Variants in COL5A2 observed in about 807,000 individuals in gnomAD.
The protein encoded by COL5A2 is collagen alpha-2(V) chain.
Under a neutral mutation model 208.2 loss-of-function variants are expected in COL5A2, and 23 were observed. The observed-to-expected ratio is 0.11, with a 90% CI of 0.08 to 0.16. The LOEUF is 0.16. COL5A2 is among the 10% of genes least tolerant of loss of function. The probability of loss-of-function intolerance (pLI) is 1.00; values close to 1 mark genes in which losing one functional copy is unlikely to be tolerated. For missense variants in COL5A2, 1,590 were observed against 1,956.4 expected (o/e 0.81, Z 3.53); for synonymous variants, 625 against 628.5 (o/e 0.99, Z 0.08).
At chr2:189,092,603 T>C (rs779134233) in intron 6 of COL5A2, among the ~76,000 whole-genome samples, 183 bp from the exon 7 acceptor site, 6 of 152,228 alleles carry the variant, frequency 3.9e-5, no homozygotes, top group Non-Finnish European at 8.8e-5. Flanking sequence ...TCTGAACTTC[T>C]ACCATTCGGA....
At chr2:189,110,895 G>T (rs934797043) in intron 1 of COL5A2, among the ~76,000 whole-genome samples, 1 of 151,938 alleles carries the variant, frequency 6.6e-6, no homozygotes, top group African/African-American at 2.4e-5. Context: ...TTCCACAACA[G>T]GAGACAGTAT....
chr2:189,390,894 AT>A, the COL5A2 span, among the ~76,000 whole-genome samples: 2 of 152,186 alleles, frequency 1.3e-5, no homozygotes, highest in African/African-American at 4.8e-5. Flanking sequence ...TATTTCTGGA[AT>A]TTGCTAAACT....
chr2:189,127,926 C>T (rs112431865), intron 1 of COL5A2, among the ~76,000 whole-genome samples: 4 of 152,088 alleles, frequency 2.6e-5, no homozygotes, highest in Non-Finnish European at 4.4e-5. Context: ...TTCCACAAAA[C>T]GCCCTGAGGT....
At chr2:189,050,801 A>G (rs1407974789) in intron 42 of COL5A2, 125 bp from the exon 43 acceptor site, 2 of 763,224 alleles carry the variant, frequency 2.6e-6, no homozygotes, top group Non-Finnish European at 4.4e-6. Flanking sequence ...CTGTTTCTCA[A>G]AATCATACTG....
chr2:189,315,153 A>C, the COL5A2 span, among the ~76,000 whole-genome samples: 1 of 152,186 alleles, frequency 6.6e-6, no homozygotes, highest in Non-Finnish European at 1.5e-5. Context: ...AACTTGATGA[A>C]CACTGATGCA....
At chr2:189,408,029 C>T in the COL5A2 span, among the ~76,000 whole-genome samples, 1 of 152,026 alleles carries the variant, frequency 6.6e-6, no homozygotes, top group Non-Finnish European at 1.5e-5. Flanking sequence ...CTGTTCAAAC[C>T]AAGATTGAGT....
Position 189,083,674 on chromosome 2 carries a change from G to GA in COL5A2, c.852+309dup, listed in dbSNP as rs376308674. ...AGGTCAAGCTGGTAACTCATTTTAT[G>GA]AAAAAAAAAAAACTATTTTTTTCTG... On this transcript the variant is annotated intron_variant, in intron 12 of 53. Transcript: ENST00000374866. 4.5e-3 allele frequency among the ~76,000 whole-genome samples: 652 copies of GA among 144,842 alleles called. 5 individuals are homozygous for GA. The highest frequency in any genetic ancestry group is 0.011 in the African/African-American group (425 of 39,654).
chr2:189,084,663 T>C lies in COL5A2; in HGVS notation c.798+497A>G, dbSNP rs116445480. Among the ~76,000 whole-genome samples, 1,094 of 152,332 alleles carry C rather than the reference T, an allele frequency of 7.2e-3. 11 individuals are homozygous for C. Among genetic ancestry groups the C allele is most frequent in the African/African-American group, 0.025 (1,020 of 41,582 alleles). On this transcript the variant is annotated intron_variant, in intron 11 of 53. Transcript: ENST00000374866. ...TATTGCACACTGTTCTCTGATTACATGTTCTTAATGTTAAAATCTGGAGTT... is the reference window on the plus strand; with the variant it reads ...TATTGCACACTGTTCTCTGATTACACGTTCTTAATGTTAAAATCTGGAGTT...
chr2:189,302,536 C>T, the COL5A2 span, among the ~76,000 whole-genome samples: 1 of 152,084 alleles, frequency 6.6e-6, no homozygotes, highest in Non-Finnish European at 1.5e-5. Context: ...ATCTAAAGTG[C>T]ACTTCAAAAA....
the COL5A2 span, among the ~76,000 whole-genome samples, chr2:189,412,958 G>C: frequency 6.6e-6 from 1 of 152,180 alleles, no homozygotes; most frequent in South Asian, 2.1e-4. Context: ...TCGTGGAAGA[G>C]AATGGAAAAG....
rs1188299233 is a variant in COL5A2, at chr2:189,104,252, A to G, written c.336+12T>C. 3 of 1,500,656 alleles carry G rather than the reference A, an allele frequency of 2.0e-6. No homozygotes were observed. The highest frequency in any genetic ancestry group is 2.3e-5 in the South Asian group (2 of 88,770). 93.0% of individuals were successfully genotyped at this position (1,500,656 alleles called of 1,614,324 possible). A position where few individuals can be genotyped will look rare whatever the true frequency, so the allele number is the denominator to read the frequency against. Reference sequence around the variant, plus strand: ...TGCTTATGAAAAAGAAAATATGCAAAGTAACACTTACCTTTCTTCCTCTAC... The same window carrying G: ...TGCTTATGAAAAAGAAAATATGCAAGGTAACACTTACCTTTCTTCCTCTAC... On this transcript the variant is annotated intron_variant, in intron 3 of 53. Coordinates refer to ENST00000374866, the MANE Select transcript of COL5A2 (RefSeq NM_000393.5).
the COL5A2 span, among the ~76,000 whole-genome samples, chr2:189,419,183 C>T: frequency 2.0e-5 from 3 of 152,144 alleles, no homozygotes; most frequent in East Asian, 1.9e-4. Flanking sequence ...CTTATATTGA[C>T]TTTTCTTTCT....
chr2:189,053,311 A>G, intron 38 of COL5A2, 113 bp downstream of exon 38: 1 of 992,298 alleles, frequency 1.0e-6, no homozygotes, highest in South Asian at 1.4e-5. Flanking sequence ...AATATTGTCT[A>G]GAAAACTGTA....
intron 1 of COL5A2, among the ~76,000 whole-genome samples, chr2:189,151,299 T>C (rs1321443096): frequency 6.6e-6 from 1 of 152,138 alleles, no homozygotes; most frequent in Non-Finnish European, 1.5e-5. Context: ...CAAACTAATT[T>C]CTATGGCAAA....
At chr2:189,258,629 T>C in the COL5A2 span, among the ~76,000 whole-genome samples, 1 of 152,148 alleles carries the variant, frequency 6.6e-6, no homozygotes, top group Admixed American at 6.5e-5. Flanking sequence ...AATGAAAGAT[T>C]GTAAGGAATA....
chr2:189,423,602 C>G, the COL5A2 span, among the ~76,000 whole-genome samples: 2 of 151,612 alleles, frequency 1.3e-5, no homozygotes, highest in Non-Finnish European at 2.9e-5. Context: ...CAATTATATG[C>G]CAACAAATTG....
the COL5A2 span, among the ~76,000 whole-genome samples, chr2:189,406,278 A>T: frequency 3.3e-5 from 5 of 152,294 alleles, no homozygotes; most frequent in African/African-American, 1.2e-4. Context: ...CTTTTAAAAT[A>T]TATTTCTTCT....
the COL5A2 span, among the ~76,000 whole-genome samples, chr2:189,268,555 C>T: frequency 1.1e-4 from 17 of 152,036 alleles, no homozygotes; most frequent in African/African-American, 3.4e-4. Flanking sequence ...TGCAGATTTG[C>T]TGCTAATGAA....
intron 8 of COL5A2, 121 bp downstream of exon 8, chr2:189,088,574 T>TGAAC: frequency 1.3e-6 from 1 of 790,260 alleles, no homozygotes; most frequent in South Asian, 1.4e-5. Flanking sequence ...AATGAATGAA[T>TGAAC]GAATGTACGA....
Sources: allele counts gnomAD v4.1 joint callset (sites outside exome capture counted in the v4.1 genomes callset), GRCh38; gene constraint gnomAD v4.1.1; transcripts MANE v1.5; gene names NCBI Gene and HGNC (gene_info 2026-07-23, HGNC 2026-07-21).